The following DSG1 variants were observed in gnomAD, a reference collection of about 807,000 sequenced individuals.
The protein encoded by DSG1 is desmoglein 1.
A neutral mutation model predicts 97.5 loss-of-function variants in DSG1; 39 were observed. The ratio of observed to expected loss-of-function variants is 0.40; its 90% CI spans 0.31 to 0.52. The LOEUF (loss-of-function observed/expected upper bound fraction) is 0.52, where lower values mean the gene tolerates loss of function less well. DSG1 is among the 20% of genes least tolerant of loss of function. The probability of loss-of-function intolerance (pLI) is 0.53; values close to 1 mark genes in which losing one functional copy is unlikely to be tolerated. For missense variants in DSG1, 1,311 were observed against 1,295.4 expected (o/e 1.01, Z -0.18); for synonymous variants, 475 against 443.4 (o/e 1.07, Z -0.90).
rs1256105177 is a variant in DSG1 at position 31,326,561 on chromosome 18, G to A, written c.49-20G>A. On this transcript the variant is annotated intron_variant, in intron 1 of 14. Coordinates refer to ENST00000257192, the MANE Select transcript of DSG1 (RefSeq NM_001942.4). ...CATTTAATTAAAAAATAACTAGTGTGATTATCTTATTTTTTACAGGTGGTG... is the reference window on the plus strand; with the variant it reads ...CATTTAATTAAAAAATAACTAGTGTAATTATCTTATTTTTTACAGGTGGTG... 1.9e-6 allele frequency: 3 copies of A among 1,563,498 alleles called. No individual in the cohort carries two copies. Among genetic ancestry groups the A allele is most frequent in the Non-Finnish European group, 8.8e-7 (1 of 1,135,376 alleles).
rs1205917703 is a variant in DSG1 at position 31,359,197 on chromosome 18, T to C, written c.*3851T>C. 2.6e-5 allele frequency among the ~76,000 whole-genome samples: 4 copies of C among 152,148 alleles called. No individual in the cohort carries two copies. ...TTATCTGTTCGTTTTTTTAAGTTGA[T>C]TTGTAATTTCCAAAGAGTTATGCAT... On this transcript the variant is annotated 3_prime_UTR_variant, in exon 15 of 15. Coordinates refer to ENST00000257192, the MANE Select transcript of DSG1 (RefSeq NM_001942.4).
At chr18:31,330,246 A>T (rs2071712010) in intron 5 of DSG1, among the ~76,000 whole-genome samples, 1 of 152,060 alleles carries the variant, frequency 6.6e-6, no homozygotes, top group South Asian at 2.1e-4. Context: ...TTCTCACATA[A>T]CTCGCAGGCC....
chr18:31,332,584 G>T (rs746953029), intron 6 of DSG1, among the ~76,000 whole-genome samples: 3 of 152,002 alleles, frequency 2.0e-5, no homozygotes, highest in Admixed American at 6.6e-5. Context: ...AAAAAAAATT[G>T]TCTTTTAATA....
intron 1 of DSG1, among the ~76,000 whole-genome samples, chr18:31,319,732 A>G (rs1284575780): frequency 6.6e-6 from 1 of 152,212 alleles, no homozygotes; most frequent in Non-Finnish European, 1.5e-5. Flanking sequence ...ACTAACTTTC[A>G]TAGAATCTCT....
intron 13 of DSG1, 56 bp downstream of exon 13, chr18:31,344,051 C>A: frequency 8.0e-7 from 1 of 1,256,834 alleles, no homozygotes; most frequent in East Asian, 2.3e-5. Flanking sequence ...AGTCTATTTT[C>A]TCTCTTTGAT....
In DSG1 at chr18:31,328,338, C is replaced by T. The variant is rs2071699391; in HGVS notation, c.366C>T (p.Phe122=). 1 of 1,612,604 alleles carries T rather than the reference C, an allele frequency of 6.2e-7. No homozygotes were observed. Among genetic ancestry groups the T allele is most frequent in the Admixed American group, 1.7e-5 (1 of 59,974 alleles). Reference sequence around the variant, plus strand: ...TAGTTGATCGAGAGGTCACTCCTTTCTTCATTGTAAGTGGACTTCATGTCA... The same window carrying T: ...TAGTTGATCGAGAGGTCACTCCTTTTTTCATTGTAAGTGGACTTCATGTCA... ...TSIVDREVTP[F]FIIYCRALNS... is the part of the protein sequence containing the mutation. Residue 122 remains phenylalanine, a synonymous_variant, in exon 4 of 15, where the codon TTC becomes TTT. Coordinates refer to ENST00000257192, the MANE Select transcript of DSG1 (RefSeq NM_001942.4).
chr18:31,336,565 A>G lies in DSG1; in HGVS notation c.1217A>G (p.Asp406Gly), dbSNP rs1162002756. ...ATGGGATCAAATGATAAAGTGGGAGACTTTGTAGCTACTGACCTGGACACA... is the reference window on the plus strand; with the variant it reads ...ATGGGATCAAATGATAAAGTGGGAGGCTTTGTAGCTACTGACCTGGACACA... Reference protein sequence around the residue: ...GNMGSNDKVGDFVATDLDTGR... With the variant: ...GNMGSNDKVGGFVATDLDTGR... Residue 406 changes from aspartate (D) to glycine (G), a missense_variant, in exon 9 of 15, where the codon GAC (aspartate) becomes GGC (glycine). By Grantham distance (94) the Asp-to-Gly change is moderately conservative. Transcript: ENST00000257192. 2 of 1,614,050 alleles carry G rather than the reference A, an allele frequency of 1.2e-6. No individual in the cohort carries two copies. Among genetic ancestry groups the G allele is most frequent in the Admixed American group, 3.3e-5 (2 of 60,022 alleles).
At chr18:31,333,132 G>C (rs538741093) in intron 6 of DSG1, among the ~76,000 whole-genome samples, 1 of 152,268 alleles carries the variant, frequency 6.6e-6, no homozygotes, top group Admixed American at 6.5e-5. Context: ...CCATTGAATA[G>C]AGTCAAGAAT....
At chr18:31,328,168 T>G in intron 3 of DSG1, 21 bp from the exon 4 acceptor site, 4 of 1,612,748 alleles carry the variant, frequency 2.5e-6, no homozygotes, top group Non-Finnish European at 3.4e-6. Context: ...TCTAATATTT[T>G]TACTTGTGTT....
intron 1 of DSG1, among the ~76,000 whole-genome samples, chr18:31,319,725 A>G (rs115920036): frequency 0.016 from 2,440 of 152,300 alleles, 68 homozygotes; most frequent in African/African-American, 0.054. Flanking sequence ...GGTGTACACT[A>G]ACTTTCATAG....
rs1443330342 is a variant in DSG1, at chr18:31,343,610, C to A, written c.1821+27C>A. The A allele has an allele frequency of 3.1e-6, 5 of 1,613,910 alleles. No homozygotes were observed. In the African/African-American group the frequency reaches 6.7e-5, roughly 22 times the overall value. ...TAAGTGCCACATTCTAAGAAATAGC[C>A]GTTGGTAGTCACTGAAATTCAGTCT... On this transcript the variant is annotated intron_variant, in intron 12 of 14. Transcript: ENST00000257192.
intron 14 of DSG1, 142 bp from the exon 15 acceptor site, chr18:31,354,155 G>C (rs976808705): frequency 7.5e-6 from 5 of 662,582 alleles, no homozygotes; most frequent in Middle Eastern, 3.8e-4. Flanking sequence ...ATGATTTTTA[G>C]AGCATCTCTA....
intron 8 of DSG1, among the ~76,000 whole-genome samples, chr18:31,335,173 T>C (rs936462458): frequency 5.3e-5 from 8 of 152,140 alleles, no homozygotes; most frequent in African/African-American, 1.9e-4. Flanking sequence ...AGTTTATCCC[T>C]CACAGCATCC....
At chr18:31,353,644 C>T (rs1275719979) in intron 14 of DSG1, among the ~76,000 whole-genome samples, 5 of 152,044 alleles carry the variant, frequency 3.3e-5, no homozygotes, top group Non-Finnish European at 5.9e-5. Flanking sequence ...TAGGACCCTC[C>T]GAGCCAGGTG....
intron 1 of DSG1, among the ~76,000 whole-genome samples, chr18:31,318,685 A>G (rs572126192): frequency 6.6e-6 from 1 of 152,194 alleles, no homozygotes; most frequent in Non-Finnish European, 1.5e-5. Context: ...AGGGCTTTTA[A>G]ACTAAATATC....
chr18:31,354,281 T>C lies in DSG1; in HGVS notation c.2101-16T>C, dbSNP rs2071930626. 6.2e-7 allele frequency: 1 copy of C among 1,609,254 alleles called. No homozygotes were observed. The highest frequency in any genetic ancestry group is 1.7e-4 in the Middle Eastern group (1 of 6,052). On this transcript the variant is annotated splice_polypyrimidine_tract_variant and intron_variant, in intron 14 of 14. Transcript: ENST00000257192. Reference sequence around the variant, plus strand: ...TGCATTCATAATTTCATTTTCTCTTTCTCCTATAAATTCAGAAAGCATATG... The same window carrying C: ...TGCATTCATAATTTCATTTTCTCTTCCTCCTATAAATTCAGAAAGCATATG...
At chr18:31,340,113 T>C (rs2071779888) in intron 11 of DSG1, 88 bp downstream of exon 11, 1 of 1,354,476 alleles carries the variant, frequency 7.4e-7, no homozygotes, top group Non-Finnish European at 1.0e-6. Context: ...ATAAAACGTA[T>C]TTTACAAATT....
chr18:31,343,236 T>C, intron 11 of DSG1: 1 of 599,444 alleles, frequency 1.7e-6, no homozygotes, highest in South Asian at 1.9e-5. Context: ...TTTAATACTA[T>C]AAAATAAACT....
chr18:31,342,247 C>T (rs9965256), intron 11 of DSG1, among the ~76,000 whole-genome samples: 101,271 of 152,070 alleles, frequency 0.67, 36,170 homozygotes, highest in African/African-American at 0.91. Flanking sequence ...TGTTTTTTTA[C>T]ATTGCGGACT....
Sources: allele counts gnomAD v4.1 joint callset (sites outside exome capture counted in the v4.1 genomes callset), GRCh38; gene constraint gnomAD v4.1.1; transcripts MANE v1.5; gene names NCBI Gene and HGNC (gene_info 2026-07-23, HGNC 2026-07-21).